LRRC43: variants seen among roughly 807,000 people sequenced by gnomAD.
The protein encoded by LRRC43 is leucine-rich repeat-containing protein 43.
In LRRC43, 62 loss-of-function variants were observed where a neutral mutation model predicts 64.3. The ratio of observed to expected loss-of-function variants is 0.96; its 90% CI spans 0.79 to 1.19. LRRC43 has a LOEUF of 1.19. LRRC43 is among the 50% of genes most tolerant of loss of function. The pLI is 0.00. For missense variants in LRRC43, 868 were observed against 845.0 expected (o/e 1.03, Z -0.34); for synonymous variants, 422 against 382.3 (o/e 1.10, Z -1.21).
At chr12:122,201,393 TG>T in intron 11 of LRRC43, 64 bp downstream of exon 11, 1 of 1,506,568 alleles carries the variant, frequency 6.6e-7, no homozygotes, top group East Asian at 2.3e-5. Context: ...GGGCCAGCCC[TG>T]GGGGAGGCCA....
chr12:122,183,626 C>T (rs1014035214), intron 1 of LRRC43, among the ~76,000 whole-genome samples: 2 of 152,186 alleles, frequency 1.3e-5, no homozygotes, highest in African/African-American at 4.8e-5. Context: ...CAACTTTTCC[C>T]AGCCTCCGAG....
chr12:122,198,982 ATTT>A (rs11358088), intron 7 of LRRC43, among the ~76,000 whole-genome samples: 2 of 123,602 alleles, frequency 1.6e-5, no homozygotes, highest in Non-Finnish European at 1.7e-5. Flanking sequence ...TACTTTCACG[ATTT>A]TTTTTTTTTT....
At chr12:122,176,446 G>A (rs1295356407) in intron 1 of LRRC43, among the ~76,000 whole-genome samples, 7 of 152,158 alleles carry the variant, frequency 4.6e-5, no homozygotes, top group Admixed American at 1.3e-4. Flanking sequence ...CACATGTGAC[G>A]AGGCAGTGCT....
chr12:122,192,553 T>C (rs1461168426), intron 6 of LRRC43, among the ~76,000 whole-genome samples, 192 bp from the exon 7 acceptor site: 1 of 152,200 alleles, frequency 6.6e-6, no homozygotes, highest in Non-Finnish European at 1.5e-5. Flanking sequence ...GTTCTTGCTT[T>C]TACTCTTAAT....
chr12:122,202,310 G>A lies in LRRC43; in HGVS notation c.1843+981G>A, dbSNP rs926676485. On this transcript the variant is annotated intron_variant, in intron 11 of 11. Coordinates refer to ENST00000339777, the MANE Select transcript of LRRC43 (RefSeq NM_001098519.2). ...CTTGCAATATGTTGCTGTAATTGAC[G>A]TGCACAAAGAAAATCCAACCTCAGG... 10 of 151,790 alleles carry A rather than the reference G, an allele frequency of 6.6e-5. No individual in the cohort carries two copies. In the East Asian group the frequency reaches 1.7e-3, roughly 26 times the overall value. 9.4% of individuals were successfully genotyped at this position (151,790 alleles called of 1,614,324 possible). A position where few individuals can be genotyped will look rare whatever the true frequency, so the allele number is the denominator to read the frequency against.
In LRRC43 at chr12:122,177,557, T is replaced by G. The variant is rs369557634; in HGVS notation, c.-405-6962T>G. 3.1e-4 allele frequency among the ~76,000 whole-genome samples: 46 copies of G among 150,050 alleles called. 1 individual carries two copies. In the East Asian group the frequency reaches 4.7e-3, roughly 15 times the overall value. On this transcript the variant is annotated intron_variant, in intron 1 of 5. Coordinates refer to the LRRC43 transcript ENST00000537729. ...TCTTGCTCTCTCACCCAGGCTGGAG[T>G]GAAGTGGTGTGATCACGGCTCACTG...
chr12:122,178,349 T>G (rs1293352100), upstream of LRRC43, among the ~76,000 whole-genome samples: 1 of 152,096 alleles, frequency 6.6e-6, no homozygotes, highest in Non-Finnish European at 1.5e-5. Flanking sequence ...CTGATCCCTT[T>G]TGCCCCTCTC....
intron 3 of LRRC43, 44 bp downstream of exon 3, chr12:122,186,344 C>T (rs769462417): frequency 9.3e-6 from 12 of 1,286,792 alleles, no homozygotes; most frequent in Non-Finnish European, 1.1e-5. Context: ...GCCTCCGCTG[C>T]CCAGAGGCCT....
In LRRC43 at chr12:122,195,739, C is replaced by T. The variant is rs184647470; in HGVS notation, c.1349+2735C>T. Among the ~76,000 whole-genome samples, 59 of 152,266 alleles carry T rather than the reference C, an allele frequency of 3.9e-4. 1 individual carries two copies. Among genetic ancestry groups the T allele is most frequent in the Admixed American group, 9.8e-4 (15 of 15,278 alleles). On this transcript the variant is annotated intron_variant, in intron 7 of 11. Transcript: ENST00000339777. ...TATGGATGTGTTTGCATTTATCCTG[C>T]CTGGAGTTTGCCAAGCTTCTTCAAT...
At chr12:122,171,097 A>C (rs550198455) in intron 1 of LRRC43, among the ~76,000 whole-genome samples, 11 of 152,352 alleles carry the variant, frequency 7.2e-5, no homozygotes, top group Non-Finnish European at 1.2e-4. Context: ...GCTAGGAAGA[A>C]GTCCCCTAGG....
At chr12:122,183,353 C>T in intron 1 of LRRC43, 59 bp downstream of exon 1, 1 of 1,385,308 alleles carries the variant, frequency 7.2e-7, no homozygotes. Flanking sequence ...AGGCACGGGC[C>T]CGGGCGAGCG....
At chr12:122,181,749 G>T (rs1035752179), upstream of LRRC43, among the ~76,000 whole-genome samples, 6 of 150,708 alleles carry the variant, frequency 4.0e-5, no homozygotes, top group Non-Finnish European at 8.9e-5. Flanking sequence ...GGGACTATAG[G>T]CATGTGTCAC....
At position 122,184,211 on chromosome 12, in the gene LRRC43, T is replaced by C. The variant is rs755706835; in HGVS notation, c.151-308T>C. ...CCGGGTTCAAACGATTCTCCTGCCT[T>C]AGCCTCCCGAGTAGCTGAGACTACA... On this transcript the variant is annotated intron_variant, in intron 1 of 11. Transcript: ENST00000339777. This position sits in a 1 kb window ranked among gnomAD's most constrained non-coding sequence, Gnocchi z 4.0. Among the ~76,000 whole-genome samples the C allele has an allele frequency of 1.3e-5, 2 of 151,574 alleles. No individual in the cohort carries two copies. The highest frequency in any genetic ancestry group is 2.9e-5 in the Non-Finnish European group (2 of 67,870).
At chr12:122,187,891 T>C (rs757580787) in intron 4 of LRRC43, 51 bp downstream of exon 4, 59 of 1,596,478 alleles carry the variant, frequency 3.7e-5, no homozygotes, top group Non-Finnish European at 4.6e-5. Context: ...AAGTATCAGG[T>C]TGGGGCGATT....
intron 1 of LRRC43, chr12:122,174,016 G>A (rs1422819476): frequency 6.2e-7 from 1 of 1,613,680 alleles, no homozygotes; most frequent in Non-Finnish European, 8.5e-7. Context: ...GATGCCGTGA[G>A]CGCATACATC....
rs540614815 is a variant in LRRC43 at position 122,192,275 on chromosome 12, T to C, written c.1090-470T>C. Among the ~76,000 whole-genome samples, 17 of 152,324 alleles carry C rather than the reference T, an allele frequency of 1.1e-4. No homozygotes were observed. The East Asian group carries it at 3.3e-3, about 29-fold the overall frequency. ...CCTCAGCCTCCTGAGTAGCTGGGAT[T>C]ACAGGCTCGCGCCACCATACCTGGC... is the stretch of plus-strand genomic sequence containing the variant. On this transcript the variant is annotated intron_variant, in intron 6 of 11. Coordinates refer to ENST00000339777, the MANE Select transcript of LRRC43 (RefSeq NM_001098519.2).
chr12:122,170,597 C>G (rs955159914), intron 1 of LRRC43, among the ~76,000 whole-genome samples: 2 of 152,070 alleles, frequency 1.3e-5, no homozygotes, highest in African/African-American at 4.8e-5. Flanking sequence ...CACCACTGCA[C>G]TCCAGCCTGG....
In LRRC43 at chr12:122,188,822, C is replaced by T. The variant is rs1254775552; in HGVS notation, c.662+982C>T. Among the ~76,000 whole-genome samples, 5 of 152,190 alleles carry T rather than the reference C, an allele frequency of 3.3e-5. No individual in the cohort carries two copies. The East Asian group carries it at 9.6e-4, about 29-fold the overall frequency. The stretch of plus-strand genomic sequence containing the variant: ...CATCACCCTTTGATGTGGGGCTGTC[C>T]TGGGCATGGTGGGATATTGAGCAGC... On this transcript the variant is annotated intron_variant, in intron 4 of 11. Transcript: ENST00000339777.
intron 11 of LRRC43, 99 bp downstream of exon 11, chr12:122,201,428 GTAGC>G: frequency 9.3e-7 from 1 of 1,077,606 alleles, no homozygotes; most frequent in Admixed American, 1.7e-5. Context: ...GTGGGGAATG[GTAGC>G]TTCTGGCCTG....
Sources: gnomAD v4.1 joint callset for allele counts (sites outside exome capture counted in the v4.1 genomes callset) on GRCh38, gnomAD v4.1.1 for gene constraint, Gnocchi (gnomAD v3.1) non-coding constraint, MANE v1.5 for transcripts, NCBI Gene and HGNC (gene_info 2026-07-23, HGNC 2026-07-21) for gene names.